The following SLC4A4 variants were observed in gnomAD, a reference collection of about 807,000 sequenced individuals.
SLC4A4 encodes the protein solute carrier family 4 member 4, also known as electrogenic sodium bicarbonate cotransporter 1.
In SLC4A4, 27 loss-of-function variants were observed where a neutral mutation model predicts 111.5. The ratio of observed to expected loss-of-function variants is 0.24; its 90% CI spans 0.18 to 0.33. The LOEUF (loss-of-function observed/expected upper bound fraction) is 0.33, where lower values mean the gene tolerates loss of function less well. Among genes scored for constraint, SLC4A4 ranks in the 10% least tolerant of loss-of-function variants. The pLI, the probability that SLC4A4 is intolerant of heterozygous loss-of-function variation, is 1.00. For synonymous variants in SLC4A4, 443 were observed against 463.4 expected, an observed-to-expected ratio of 0.96 and a Z score of 0.57; for missense variants, 909 against 1,315.5, an observed-to-expected ratio of 0.69 and a Z score of 4.78.
chr4:71,224,132 G>A (rs947846723), intron 1 of SLC4A4, among the ~76,000 whole-genome samples: 3 of 150,038 alleles, frequency 2.0e-5, no homozygotes, highest in African/African-American at 5.1e-5. Flanking sequence ...ATCCATAGCC[G>A]TTCCCTAAGT....
intron 16 of SLC4A4, among the ~76,000 whole-genome samples, chr4:71,514,075 A>C (rs755544691): frequency 2.0e-4 from 30 of 152,122 alleles, no homozygotes; most frequent in Non-Finnish European, 3.5e-4. Context: ...TGCTTATCAG[A>C]AGTATTGACC....
chr4:71,372,596 C>T (rs1476516854), intron 6 of SLC4A4, among the ~76,000 whole-genome samples: 3 of 152,184 alleles, frequency 2.0e-5, no homozygotes, highest in Non-Finnish European at 4.4e-5. Flanking sequence ...TACTGGCAGT[C>T]GAAATCAGCT....
chr4:71,541,814 A>G (rs1468245076), intron 18 of SLC4A4, among the ~76,000 whole-genome samples: 1 of 152,100 alleles, frequency 6.6e-6, no homozygotes, highest in South Asian at 2.1e-4. Flanking sequence ...GAGAATCTGA[A>G]AAAGGTAATG....
At chr4:71,503,283 T>A (rs539886330) in intron 16 of SLC4A4, among the ~76,000 whole-genome samples, 1 of 151,952 alleles carries the variant, frequency 6.6e-6, no homozygotes, top group South Asian at 2.1e-4. Flanking sequence ...TATCTTTTCA[T>A]TGGAGAACTT....
chr4:71,502,872 A>C (rs1332591674), intron 16 of SLC4A4, among the ~76,000 whole-genome samples: 1 of 152,170 alleles, frequency 6.6e-6, no homozygotes, highest in African/African-American at 2.4e-5. Context: ...ACTGAAGTCC[A>C]ATGTTCCTTG....
At chr4:71,096,796 A>G (rs1742569638) in intron 2 of SLC4A4, among the ~76,000 whole-genome samples, 4 of 152,190 alleles carry the variant, frequency 2.6e-5, no homozygotes, top group Non-Finnish European at 1.5e-5. Flanking sequence ...GACTGAAATG[A>G]GTCCACTGGA....
chr4:71,523,019 T>C (rs964841413), intron 16 of SLC4A4, among the ~76,000 whole-genome samples: 5 of 152,180 alleles, frequency 3.3e-5, no homozygotes, highest in African/African-American at 9.7e-5. Flanking sequence ...TCTATTAAAA[T>C]TGCATGTGTT....
rs182877423 is a variant in SLC4A4, at chr4:71,111,633, C to T, written c.-2+18841C>T. Among the ~76,000 whole-genome samples, 495 of 150,400 alleles carry T rather than the reference C, an allele frequency of 3.3e-3. 4 individuals are homozygous for T. The highest frequency in any genetic ancestry group is 0.011 in the African/African-American group (464 of 40,882). On this transcript the variant is annotated intron_variant, in intron 2 of 26. Coordinates refer to the SLC4A4 transcript ENST00000649996. ...CTGACCTCAGGTGATCCACCCCACC[C>T]GCCTTGGCCTCCCAAAGTGCTGGGA...
chr4:71,123,388 C>A (rs1172073904), intron 2 of SLC4A4, among the ~76,000 whole-genome samples: 1 of 152,098 alleles, frequency 6.6e-6, no homozygotes, highest in Non-Finnish European at 1.5e-5. Context: ...TCAGCATTGT[C>A]ATTGGATTTC....
chr4:71,168,516 A>G (rs1474400030), intron 2 of SLC4A4, among the ~76,000 whole-genome samples: 1 of 151,918 alleles, frequency 6.6e-6, no homozygotes, highest in African/African-American at 2.4e-5. Context: ...ATTTTTGACT[A>G]TAGTCAAACT....
chr4:71,505,803 C>G (rs1731364760), intron 16 of SLC4A4, among the ~76,000 whole-genome samples: 1 of 151,890 alleles, frequency 6.6e-6, no homozygotes, highest in Non-Finnish European at 1.5e-5. Flanking sequence ...AGATTTTTTT[C>G]TAGGGTTTTT....
intron 7 of SLC4A4, among the ~76,000 whole-genome samples, chr4:71,425,334 C>T (rs562943516): frequency 7.2e-5 from 11 of 152,190 alleles, no homozygotes; most frequent in African/African-American, 2.4e-4. Context: ...AGAATAGCCT[C>T]GCAGCAAAAC....
chr4:71,292,379 TAGTTCTAGGAACTA>T (rs1724425096), intron 3 of SLC4A4, among the ~76,000 whole-genome samples: 4 of 152,136 alleles, frequency 2.6e-5, no homozygotes, highest in South Asian at 4.1e-4. Flanking sequence ...AGCCCCTCCT[TAGTTCTAGGAACTA>T]AGTTCTAGGA....
intron 5 of SLC4A4, among the ~76,000 whole-genome samples, chr4:71,350,771 C>A (rs1729760078): frequency 6.6e-6 from 1 of 152,070 alleles, no homozygotes; most frequent in Non-Finnish European, 1.5e-5. Flanking sequence ...TGCAGTAAGT[C>A]TAAAATTAGA....
In SLC4A4 at chr4:71,546,628, G is replaced by A. The variant is rs557451803; in HGVS notation, c.2621+100G>A. 1.6e-4 allele frequency: 159 copies of A among 988,658 alleles called. No individual in the cohort carries two copies. In the African/African-American group the frequency reaches 2.4e-3, roughly 15 times the overall value. 61.2% of individuals were successfully genotyped at this position (988,658 alleles called of 1,614,324 possible). On this transcript the variant is annotated intron_variant, in intron 19 of 25. Transcript: ENST00000264485. ...GGCAGATTTGGAGGAGACAGGGCTT[G>A]TGATGATTAATTTATTCCTATATTT...
chr4:71,145,864 G>C (rs533475422), intron 2 of SLC4A4, among the ~76,000 whole-genome samples: 4 of 152,054 alleles, frequency 2.6e-5, no homozygotes, highest in African/African-American at 9.7e-5. Flanking sequence ...CTTGCTAGCG[G>C]TCTATCAATT....
At chr4:71,156,178 G>A (rs1326942134) in intron 2 of SLC4A4, among the ~76,000 whole-genome samples, 2 of 152,206 alleles carry the variant, frequency 1.3e-5, no homozygotes, top group African/African-American at 2.4e-5. Flanking sequence ...GTGCCGCCAA[G>A]GAGGCTGTTG....
chr4:71,375,726 C>G (rs548357397), intron 6 of SLC4A4, among the ~76,000 whole-genome samples: 2 of 152,160 alleles, frequency 1.3e-5, no homozygotes, highest in Admixed American at 6.5e-5. Flanking sequence ...CAAACTGTGG[C>G]CTATGTACAA....
chr4:71,449,378 G>A (rs1725552183), intron 9 of SLC4A4, among the ~76,000 whole-genome samples: 2 of 152,128 alleles, frequency 1.3e-5, no homozygotes, highest in Admixed American at 1.3e-4. Context: ...TATCTGCACA[G>A]TTGGCTGGGA....
Sources: allele counts gnomAD v4.1 joint callset (sites outside exome capture counted in the v4.1 genomes callset), GRCh38; gene constraint gnomAD v4.1.1; transcripts MANE v1.5; gene names NCBI Gene and HGNC (gene_info 2026-07-23, HGNC 2026-07-21).